The following NUP43 variants were observed in gnomAD, a reference collection of about 807,000 sequenced individuals.
The protein encoded by NUP43 is nucleoporin 43, also known as nucleoporin Nup43.
A neutral mutation model predicts 47.3 loss-of-function variants in NUP43; 32 were observed. The ratio of observed to expected loss-of-function variants is 0.68; its 90% CI spans 0.51 to 0.91. NUP43 has a LOEUF of 0.91. Among genes scored for constraint, NUP43 ranks in the 40% least tolerant of loss-of-function variants. The probability of loss-of-function intolerance (pLI) is 0.00; values close to 1 mark genes in which losing one functional copy is unlikely to be tolerated. For missense variants in NUP43, 444 were observed against 453.9 expected (o/e 0.98, Z 0.20); for synonymous variants, 147 against 158.4 (o/e 0.93, Z 0.54).
upstream of NUP43, among the ~76,000 whole-genome samples, chr6:149,749,188 C>G (rs922014784): frequency 1.3e-5 from 2 of 150,940 alleles, no homozygotes; most frequent in African/African-American, 4.9e-5. Flanking sequence ...CTCTGCTTAG[C>G]CTAACAGTGA....
At chr6:149,746,169 T>C (rs928625530) in intron 1 of NUP43, 107 bp from the exon 2 acceptor site, 6 of 1,396,620 alleles carry the variant, frequency 4.3e-6, no homozygotes, top group East Asian at 2.3e-5. Context: ...TCAAATGGTA[T>C]GGTGAGTTTA....
chr6:149,731,519 TGCCACTGCATTCCA>T (rs1785038866), intron 7 of NUP43, 80 bp downstream of exon 7: 8 of 1,121,794 alleles, frequency 7.1e-6, no homozygotes, highest in Admixed American at 2.6e-5. Context: ...GCTGAGATCG[TGCCACTGCATTCCA>T]GCCTGGGTGA....
rs11305807 is a variant in NUP43, at chr6:149,726,396, C to CAAAAAAAAAAAAAAAAAAAAAAAA, written c.*572_*573insTTTTTTTTTTTTTTTTTTTTTTTT. 1 of 94,636 alleles carries CAAAAAAAAAAAAAAAAAAAAAAAA rather than the reference C, an allele frequency of 1.1e-5. No homozygotes were observed. Among genetic ancestry groups the CAAAAAAAAAAAAAAAAAAAAAAAA allele is most frequent in the South Asian group, 3.5e-4 (1 of 2,828 alleles). The allele number at this position is 94,636 out of a possible 1,614,324, so 5.9% of individuals were successfully genotyped here. A position where few individuals can be genotyped will look rare whatever the true frequency, so the allele number is the denominator to read the frequency against. ...ACTCCAGCAGAGCAAGACTCTGCCT[C>CAAAAAAAAAAAAAAAAAAAAAAAA]AAAAAAAAAAAAAAAAAAAAATTGA... On this transcript the variant is annotated 3_prime_UTR_variant, in exon 8 of 8. Transcript: ENST00000340413.
At chr6:149,733,855 A>G (rs898378115) in intron 6 of NUP43, among the ~76,000 whole-genome samples, 2 of 145,028 alleles carry the variant, frequency 1.4e-5, no homozygotes, top group Non-Finnish European at 3.0e-5. Flanking sequence ...ACGGAGTTTC[A>G]CTCTTGTTGC....
At chr6:149,733,787 AAAGAT>A (rs977576394) in intron 6 of NUP43, among the ~76,000 whole-genome samples, 1 of 151,760 alleles carries the variant, frequency 6.6e-6, no homozygotes, top group African/African-American at 2.4e-5. Flanking sequence ...TTCAATTCTG[AAAGAT>A]ACCAGTCTTC....
At chr6:149,746,691 C>T, upstream of NUP43, 1 of 1,532,484 alleles carries the variant, frequency 6.5e-7, no homozygotes, top group Non-Finnish European at 8.8e-7. Context: ...CACAGAGCAG[C>T]TCTGAGCAAA....
rs985171094 is a variant in NUP43 at position 149,725,634 on chromosome 6, A to G, written c.*1335T>C. On this transcript the variant is annotated 3_prime_UTR_variant, in exon 8 of 8. Transcript: ENST00000340413. ...TAGGACAGAAAAGCAAAACCTTACC[A>G]TAATTCCATAACTATGATTATTGGA... 6.6e-6 allele frequency: 1 copy of G among 152,176 alleles called. No homozygotes were observed. The highest frequency in any genetic ancestry group is 2.4e-5 in the African/African-American group (1 of 41,428). The allele number at this position is 152,176 out of a possible 1,614,324, so 9.4% of individuals were successfully genotyped here. A position where few individuals can be genotyped will look rare whatever the true frequency, so the allele number is the denominator to read the frequency against.
upstream of NUP43, among the ~76,000 whole-genome samples, chr6:149,747,048 G>A (rs924826404): frequency 6.6e-6 from 1 of 152,190 alleles, no homozygotes; most frequent in Non-Finnish European, 1.5e-5. Context: ...TAGTTTTGAT[G>A]CCAATTGCCT....
At position 149,725,094 on chromosome 6, in the gene NUP43, G is replaced by A. The variant is rs184635889; in HGVS notation, c.*1875C>T. Reference sequence around the variant, plus strand: ...AAATTACGGTGTTACATTACATAAAGCTTAGTTTCTTATTAAAATTGGCAA... The same window carrying A: ...AAATTACGGTGTTACATTACATAAAACTTAGTTTCTTATTAAAATTGGCAA... On this transcript the variant is annotated 3_prime_UTR_variant, in exon 8 of 8. Coordinates refer to ENST00000340413, the MANE Select transcript of NUP43 (RefSeq NM_198887.3). 22 of 152,276 alleles carry A rather than the reference G, an allele frequency of 1.4e-4. No homozygotes were observed. Among genetic ancestry groups the A allele is most frequent in the African/African-American group, 5.1e-4 (21 of 41,572 alleles). The allele number at this position is 152,276 out of a possible 1,614,324, so 9.4% of individuals were successfully genotyped here. A position where few individuals can be genotyped will look rare whatever the true frequency, so the allele number is the denominator to read the frequency against.
At chr6:149,727,604 G>A (rs1784848305) in intron 7 of NUP43, 2 of 830,932 alleles carry the variant, frequency 2.4e-6, no homozygotes, top group African/African-American at 3.7e-5. Flanking sequence ...AAATGATCAT[G>A]AGAAAGAATT....
chr6:149,741,470 G>A (rs760209567), intron 4 of NUP43, among the ~76,000 whole-genome samples: 13 of 152,024 alleles, frequency 8.6e-5, no homozygotes, highest in African/African-American at 7.2e-5. Context: ...CACTGTACCC[G>A]GCCATATATT....
At chr6:149,727,429 C>T in intron 7 of NUP43, 5 of 984,116 alleles carry the variant, frequency 5.1e-6, no homozygotes, top group South Asian at 4.7e-5. Context: ...TCGAAGTCTT[C>T]AGGAAAAGCA....
At chr6:149,740,359 A>G (rs1250269610) in intron 4 of NUP43, among the ~76,000 whole-genome samples, 1 of 151,832 alleles carries the variant, frequency 6.6e-6, no homozygotes, top group Admixed American at 6.6e-5. Context: ...GGCCAGGTAC[A>G]GTGGCTCACG....
intron 4 of NUP43, among the ~76,000 whole-genome samples, chr6:149,739,539 A>G (rs1393209888): frequency 6.6e-6 from 1 of 152,092 alleles, no homozygotes; most frequent in African/African-American, 2.4e-5. Context: ...CGCCTCACTC[A>G]GCCTCCCAAA....
upstream of NUP43, among the ~76,000 whole-genome samples, chr6:149,747,227 G>C (rs921025780): frequency 2.0e-5 from 3 of 152,008 alleles, no homozygotes; most frequent in Non-Finnish European, 1.5e-5. Context: ...TCAAGGATCT[G>C]TTCTTTCCTT....
At chr6:149,732,428 T>C (rs1232335866) in intron 6 of NUP43, among the ~76,000 whole-genome samples, 1 of 151,280 alleles carries the variant, frequency 6.6e-6, no homozygotes, top group African/African-American at 2.4e-5. Flanking sequence ...GTGCCTATAA[T>C]CCCAGCTACT....
intron 7 of NUP43, among the ~76,000 whole-genome samples, chr6:149,729,998 A>T (rs904148832): frequency 6.6e-6 from 1 of 151,744 alleles, no homozygotes; most frequent in Non-Finnish European, 1.5e-5. Flanking sequence ...GACTGTAATG[A>T]GGAAAGCACG....
At chr6:149,745,902 A>G in intron 2 of NUP43, 38 bp downstream of exon 2, 1 of 1,575,000 alleles carries the variant, frequency 6.3e-7, no homozygotes, top group South Asian at 1.2e-5. Flanking sequence ...ATTACTCAGG[A>G]CTTTCAAAGT....
rs1396737144 is a variant in NUP43, at chr6:149,746,274, G to C, written c.120+102C>G. 3 of 1,520,688 alleles carry C rather than the reference G, an allele frequency of 2.0e-6. No individual in the cohort carries two copies. In the Admixed American group the frequency reaches 5.5e-5, roughly 28 times the overall value. The allele number at this position is 1,520,688 out of a possible 1,614,324, so 94.2% of individuals were successfully genotyped here. Reference sequence around the variant, plus strand: ...ACAGGGGTCCGGGGGACCTAAAAGTGCGAGAAGAACCAGAAGGTGGGAGTT... The same window carrying C: ...ACAGGGGTCCGGGGGACCTAAAAGTCCGAGAAGAACCAGAAGGTGGGAGTT... On this transcript the variant is annotated intron_variant, in intron 1 of 7. Transcript: ENST00000340413.
Sources: gnomAD v4.1 joint callset for allele counts (sites outside exome capture counted in the v4.1 genomes callset) on GRCh38, gnomAD v4.1.1 for gene constraint, MANE v1.5 for transcripts, NCBI Gene and HGNC (gene_info 2026-07-23, HGNC 2026-07-21) for gene names.